ZC3H13: variants seen among roughly 807,000 people sequenced by gnomAD.
ZC3H13 encodes zinc finger CCCH-type containing 13, also known as zinc finger CCCH domain-containing protein 13.
ZC3H13 carries 64 observed loss-of-function variants against 204.1 expected under a neutral mutation model. The observed-to-expected ratio is 0.31, with a 90% CI of 0.26 to 0.39. ZC3H13 has a LOEUF of 0.39. Ranked by LOEUF, ZC3H13 falls within the 10% of genes least tolerant of loss-of-function variation. ZC3H13 has a pLI of 1.00. For synonymous variants in ZC3H13, 667 were observed against 693.7 expected, an observed-to-expected ratio of 0.96 and a Z score of 0.60; for missense variants, 1,833 against 2,082.7, an observed-to-expected ratio of 0.88 and a Z score of 2.33.
At chr13:46,039,539 A>G (rs1307602705) in intron 4 of ZC3H13, among the ~76,000 whole-genome samples, 1 of 152,174 alleles carries the variant, frequency 6.6e-6, no homozygotes, top group East Asian at 1.9e-4. Context: ...TCCTAAAGTA[A>G]TATGCTCTAA....
rs760886758 is a variant in ZC3H13 at position 45,968,825 on chromosome 13, C to T, written c.3719G>A (p.Ser1240Asn). The T allele has an allele frequency of 3.7e-5, 60 of 1,613,796 alleles. No homozygotes were observed. The highest frequency in any genetic ancestry group is 5.1e-5 in the Non-Finnish European group (60 of 1,179,980). ...TTTTCTCTCTCCTGTGATTTCCAGGCTTTTTGTTTTTTCTCTATCTCTTGA... is the reference window on the plus strand; with the variant it reads ...TTTTCTCTCTCCTGTGATTTCCAGGTTTTTTGTTTTTTCTCTATCTCTTGA... ...SGSRDREKTK[S>N]LEITGERKSR... The change falls in exon 14 of 19, where the codon AGC becomes AAC. Residue 1240 changes from serine (S) to asparagine (N), a missense_variant. Transcript: ENST00000679008.
At chr13:46,047,401 C>A (rs1439736262) in intron 1 of ZC3H13, among the ~76,000 whole-genome samples, 1 of 152,094 alleles carries the variant, frequency 6.6e-6, no homozygotes, top group African/African-American at 2.4e-5. Context: ...ATCACATAAA[C>A]AATAATTTGC....
In ZC3H13 at chr13:45,969,173, G is replaced by C; in HGVS notation, c.3371C>G (p.Ala1124Gly). ...TVPATLAATTAAAATSFSTSA... is the reference protein window; with the variant it reads ...TVPATLAATTGAAATSFSTSA... ...TGTGCTGAAAGAGGTGGCGGCAGCA[G>C]CAGTAGTGGCAGCAAGAGTTGCAGG... is the stretch of plus-strand genomic sequence containing the variant. The change falls in exon 14 of 19, where the codon GCT (alanine) becomes GGT (glycine). Residue 1124 changes from alanine to glycine, a missense_variant. By Grantham distance (60) the Ala-to-Gly change is moderately conservative. Coordinates refer to ENST00000679008, the MANE Select transcript of ZC3H13 (RefSeq NM_001330564.2). 1 of 1,614,054 alleles carries C rather than the reference G, an allele frequency of 6.2e-7. No individual in the cohort carries two copies. The highest frequency in any genetic ancestry group is 2.2e-5 in the East Asian group (1 of 44,878).
chr13:45,991,643 GA>G (rs757156561), intron 8 of ZC3H13, among the ~76,000 whole-genome samples: 6 of 152,134 alleles, frequency 3.9e-5, no homozygotes, highest in East Asian at 3.9e-4. Flanking sequence ...TTATCTGAGG[GA>G]AAAAATTAGT....
At chr13:45,966,715 G>A (rs1230024637) in intron 15 of ZC3H13, among the ~76,000 whole-genome samples, 1 of 152,180 alleles carries the variant, frequency 6.6e-6, no homozygotes, top group Non-Finnish European at 1.5e-5. Context: ...TCAAAATTGA[G>A]ATGAAAATGT....
intron 7 of ZC3H13, among the ~76,000 whole-genome samples, chr13:46,006,203 C>T (rs1331945800): frequency 2.6e-5 from 4 of 152,008 alleles, no homozygotes; most frequent in African/African-American, 9.7e-5. Context: ...TCGACTCCCT[C>T]GGATTTCATC....
chr13:45,981,084 T>C lies in ZC3H13; in HGVS notation c.1721-1080A>G, dbSNP rs1566196227. On this transcript the variant is annotated intron_variant, in intron 10 of 18. Coordinates refer to ENST00000679008, the MANE Select transcript of ZC3H13 (RefSeq NM_001330564.2). ...TAATTACTTCAAAACAAAATGAAAT[T>C]TAAAAAAAAGCTTTTTTTGAGCAGT... 2.0e-5 allele frequency among the ~76,000 whole-genome samples: 3 copies of C among 151,710 alleles called. No individual in the cohort carries two copies. In the East Asian group the frequency reaches 5.8e-4, roughly 29 times the overall value.
At chr13:46,019,691 C>T (rs2042110564) in intron 5 of ZC3H13, among the ~76,000 whole-genome samples, 1 of 152,112 alleles carries the variant, frequency 6.6e-6, no homozygotes, top group South Asian at 2.1e-4. Context: ...AATGATTTTG[C>T]TCCCACCTCA....
At chr13:45,959,927 T>A (rs1209588404) in intron 17 of ZC3H13, among the ~76,000 whole-genome samples, 1 of 147,198 alleles carries the variant, frequency 6.8e-6, no homozygotes, top group Admixed American at 6.7e-5. Context: ...CCCAGGGAAT[T>A]TTTTTTTTAA....
At chr13:45,996,999 C>T (rs2040386735) in intron 8 of ZC3H13, among the ~76,000 whole-genome samples, 1 of 152,154 alleles carries the variant, frequency 6.6e-6, no homozygotes, top group Non-Finnish European at 1.5e-5. Context: ...TAGTATTTTA[C>T]TATTCTCTGT....
chr13:45,981,882 G>A (rs867062424), intron 10 of ZC3H13, among the ~76,000 whole-genome samples: 2 of 137,260 alleles, frequency 1.5e-5, no homozygotes, highest in South Asian at 2.7e-4. Flanking sequence ...GTGGAGGGAG[G>A]GGGGAGGGAT....
intron 7 of ZC3H13, among the ~76,000 whole-genome samples, chr13:46,006,798 C>G (rs1302997747): frequency 7.2e-6 from 1 of 138,464 alleles, no homozygotes; most frequent in African/African-American, 2.7e-5. Flanking sequence ...GAAAATGTAG[C>G]TCTCTTAGTC....
intron 5 of ZC3H13, among the ~76,000 whole-genome samples, chr13:46,015,254 T>C (rs193168158): frequency 6.6e-6 from 1 of 152,296 alleles, no homozygotes; most frequent in African/African-American, 2.4e-5. Flanking sequence ...GCAGTAAGAT[T>C]GAGCATTTAT....
chr13:46,015,089 G>A (rs141705282), intron 5 of ZC3H13, among the ~76,000 whole-genome samples: 1 of 152,108 alleles, frequency 6.6e-6, no homozygotes, highest in African/African-American at 2.4e-5. Context: ...TTGCTAGACT[G>A]AAAATAAGTA....
chr13:46,028,646 A>G (rs1281821327), intron 4 of ZC3H13, among the ~76,000 whole-genome samples: 2 of 152,244 alleles, frequency 1.3e-5, no homozygotes, highest in African/African-American at 4.8e-5. Context: ...AATCTGTAAC[A>G]GAAAGATTAG....
Position 46,020,466 on chromosome 13 carries a change from C to G in ZC3H13, c.431G>C (p.Trp144Ser). ...TPESEEENVE[W>S]ETNRDDSDNG... ...AAACTCACCATCTCTATTAGTTTCCCATTCTACATTTTCTTCTTCACTTTC... is the reference window on the plus strand; with the variant it reads ...AAACTCACCATCTCTATTAGTTTCCGATTCTACATTTTCTTCTTCACTTTC... Residue 144 changes from tryptophan to serine, a missense_variant, in exon 5 of 19, where the codon TGG becomes TCG. Coordinates refer to ENST00000679008, the MANE Select transcript of ZC3H13 (RefSeq NM_001330564.2). 1 of 1,608,526 alleles carries G rather than the reference C, an allele frequency of 6.2e-7. No homozygotes were observed. The highest frequency in any genetic ancestry group is 1.1e-5 in the South Asian group (1 of 90,020).
At chr13:46,012,627 C>A (rs904135320) in intron 5 of ZC3H13, among the ~76,000 whole-genome samples, 5 of 152,118 alleles carry the variant, frequency 3.3e-5, no homozygotes, top group African/African-American at 9.7e-5. Flanking sequence ...TGTGACTAAG[C>A]TTGATTACTC....
chr13:45,961,264 T>C (rs1566138878), intron 17 of ZC3H13, among the ~76,000 whole-genome samples: 3 of 151,990 alleles, frequency 2.0e-5, no homozygotes, highest in South Asian at 4.1e-4. Flanking sequence ...AAGAAATGCA[T>C]TGAGCCTACA....
rs1488093749 is a variant in ZC3H13, at chr13:45,958,741, C to T, written c.4839+742G>A. ...CACGATCTCTGCTCACTGCAAGCTCCGCCTCCTGGTTTACGCCATTCTCCT... is the reference window on the plus strand; with the variant it reads ...CACGATCTCTGCTCACTGCAAGCTCTGCCTCCTGGTTTACGCCATTCTCCT... On this transcript the variant is annotated intron_variant, in intron 18 of 18. Transcript: ENST00000679008. Among the ~76,000 whole-genome samples, 5 of 150,476 alleles carry T rather than the reference C, an allele frequency of 3.3e-5. No homozygotes were observed. In the South Asian group the frequency reaches 6.3e-4, roughly 19 times the overall value.
Sources: gnomAD v4.1 joint callset for allele counts (sites outside exome capture counted in the v4.1 genomes callset) on GRCh38, gnomAD v4.1.1 for gene constraint, MANE v1.5 for transcripts, NCBI Gene and HGNC (gene_info 2026-07-23, HGNC 2026-07-21) for gene names.